The following KHDRBS2 variants were observed in gnomAD, a reference collection of about 807,000 sequenced individuals.
KHDRBS2 encodes the protein KH domain-containing, RNA-binding, signal transduction-associated protein 2.
KHDRBS2 carries 26 observed loss-of-function variants against 44.3 expected under a neutral mutation model. That is an observed-to-expected ratio of 0.59 (90% CI 0.43 to 0.81). The LOEUF is 0.81. KHDRBS2 is among the 40% of genes least tolerant of loss of function. KHDRBS2 has a pLI of 0.00. For synonymous variants in KHDRBS2, 194 were observed against 151.1 expected, an observed-to-expected ratio of 1.28 and a Z score of -2.08; for missense variants, 476 against 433.1, an observed-to-expected ratio of 1.10 and a Z score of -0.88.
At chr6:61,867,884 C>T (rs1414577568) in intron 6 of KHDRBS2, among the ~76,000 whole-genome samples, 1 of 152,070 alleles carries the variant, frequency 6.6e-6, no homozygotes, top group Non-Finnish European at 1.5e-5. Flanking sequence ...TAGGAGGTGG[C>T]TGGGGACCCC....
the KHDRBS2 span, among the ~76,000 whole-genome samples, chr6:61,642,161 TTC>T: frequency 6.6e-6 from 1 of 152,094 alleles, no homozygotes. Flanking sequence ...ACAGAAAAAT[TTC>T]TGTTTTCTTT....
chr6:62,127,331 T>TA (rs900338973), intron 2 of KHDRBS2, among the ~76,000 whole-genome samples: 6 of 151,808 alleles, frequency 4.0e-5, no homozygotes, highest in East Asian at 1.9e-4. Flanking sequence ...TCAAAAGGAA[T>TA]AAAAAAAACA....
At chr6:61,588,355 T>C in the KHDRBS2 span, among the ~76,000 whole-genome samples, 3 of 152,342 alleles carry the variant, frequency 2.0e-5, no homozygotes, top group East Asian at 5.8e-4. Flanking sequence ...CCTTCTCCTC[T>C]TTTGAGGTTG....
chr6:62,011,100 T>TTATA (rs146402310), intron 3 of KHDRBS2, among the ~76,000 whole-genome samples: 1 of 152,070 alleles, frequency 6.6e-6, no homozygotes, highest in Non-Finnish European at 1.5e-5. Flanking sequence ...TTTTGATGAC[T>TTATA]TATATATATG....
At chr6:61,996,087 G>A (rs1777113745) in intron 3 of KHDRBS2, among the ~76,000 whole-genome samples, 1 of 152,114 alleles carries the variant, frequency 6.6e-6, no homozygotes, top group Admixed American at 6.6e-5. Flanking sequence ...CCTCATGACT[G>A]GCTATGTGAA....
At chr6:61,612,198 TCTC>T in the KHDRBS2 span, among the ~76,000 whole-genome samples, 1 of 152,318 alleles carries the variant, frequency 6.6e-6, no homozygotes, top group East Asian at 1.9e-4. Flanking sequence ...CTACAAACTC[TCTC>T]ATTTGTTCTC....
intron 1 of KHDRBS2, among the ~76,000 whole-genome samples, chr6:62,210,967 C>G (rs888495670): frequency 6.6e-6 from 1 of 151,986 alleles, no homozygotes; most frequent in African/African-American, 2.4e-5. Context: ...TAAAGCTATC[C>G]AAATGTCAAA....
At chr6:61,856,727 T>A (rs1435567574) in intron 6 of KHDRBS2, among the ~76,000 whole-genome samples, 1 of 152,048 alleles carries the variant, frequency 6.6e-6, no homozygotes, top group Non-Finnish European at 1.5e-5. Flanking sequence ...TAGCCTGTCC[T>A]CTTCCTTCCC....
chr6:62,168,292 G>A (rs1272933046), intron 2 of KHDRBS2, among the ~76,000 whole-genome samples: 2 of 152,074 alleles, frequency 1.3e-5, no homozygotes, highest in Non-Finnish European at 2.9e-5. Context: ...GAAATATAAA[G>A]TGGGCCTTGG....
chr6:61,731,227 C>T (rs1774384154), intron 7 of KHDRBS2, among the ~76,000 whole-genome samples: 1 of 151,992 alleles, frequency 6.6e-6, no homozygotes, highest in Non-Finnish European at 1.5e-5. Context: ...ATACTCGGTT[C>T]AATATCTGTA....
intron 7 of KHDRBS2, among the ~76,000 whole-genome samples, chr6:61,722,601 A>C (rs551254450): frequency 6.6e-6 from 1 of 152,070 alleles, no homozygotes; most frequent in Non-Finnish European, 1.5e-5. Flanking sequence ...ATATTCTACT[A>C]TTTTATTTTC....
At chr6:61,906,008 T>A (rs889416692) in intron 4 of KHDRBS2, among the ~76,000 whole-genome samples, 2 of 151,762 alleles carry the variant, frequency 1.3e-5, no homozygotes. Context: ...CCACCACGCC[T>A]GGGTAATTTT....
Position 61,916,465 on chromosome 6 carries a change from G to C in KHDRBS2, c.484-15094C>G, listed in dbSNP as rs536485570. 3.9e-5 allele frequency among the ~76,000 whole-genome samples: 6 copies of C among 151,956 alleles called. No individual in the cohort carries two copies. In the South Asian group the frequency reaches 1.2e-3, roughly 32 times the overall value. ...ACTATTAGAAAAATTGTCAAGTTCT[G>C]CCTCAGTATTACAAAGGAACTTTTA... On this transcript the variant is annotated intron_variant, in intron 4 of 8. Transcript: ENST00000281156.
intron 6 of KHDRBS2, among the ~76,000 whole-genome samples, chr6:61,825,928 T>C (rs1325615427): frequency 6.6e-6 from 1 of 152,186 alleles, no homozygotes; most frequent in Non-Finnish European, 1.5e-5. Context: ...CTAAGCATTG[T>C]AAAACTGATG....
the KHDRBS2 span, among the ~76,000 whole-genome samples, chr6:61,627,213 A>C: frequency 1.5e-5 from 2 of 132,036 alleles, no homozygotes; most frequent in African/African-American, 5.8e-5. Context: ...AGATCGCGCC[A>C]CTGCACTCCA....
At chr6:62,048,131 C>CACAA in intron 2 of KHDRBS2, 137 bp from the exon 3 acceptor site, 1 of 587,844 alleles carries the variant, frequency 1.7e-6, no homozygotes, top group Admixed American at 2.9e-5. Flanking sequence ...TACACACACA[C>CACAA]ACACACACAC....
At chr6:62,284,669 T>C (rs1842233155) in intron 1 of KHDRBS2, among the ~76,000 whole-genome samples, 1 of 152,178 alleles carries the variant, frequency 6.6e-6, no homozygotes, top group Non-Finnish European at 1.5e-5. Flanking sequence ...ATGTTCCATG[T>C]TTTGAATATA....
chr6:62,085,885 AT>A (rs983031988), intron 2 of KHDRBS2, among the ~76,000 whole-genome samples: 3 of 152,138 alleles, frequency 2.0e-5, no homozygotes, highest in African/African-American at 7.2e-5. Flanking sequence ...TAGGGTTAAG[AT>A]TGGGAAAAAG....
chr6:62,223,946 T>G (rs1563090448), intron 1 of KHDRBS2, among the ~76,000 whole-genome samples: 2 of 152,116 alleles, frequency 1.3e-5, no homozygotes, highest in Non-Finnish European at 2.9e-5. Context: ...TTCTGAACCC[T>G]CCAAACTGTT....
Sources: gnomAD v4.1 joint callset for allele counts (sites outside exome capture counted in the v4.1 genomes callset) on GRCh38, gnomAD v4.1.1 for gene constraint, MANE v1.5 for transcripts, NCBI Gene and HGNC (gene_info 2026-07-23, HGNC 2026-07-21) for gene names.